Variants in NRG1 observed in about 807,000 individuals in gnomAD.
NRG1 encodes neuregulin 1.
A neutral mutation model predicts 63.8 loss-of-function variants in NRG1; 18 were observed. The ratio of observed to expected loss-of-function variants is 0.28; its 90% CI spans 0.19 to 0.42. The LOEUF is 0.42. Among genes scored for constraint, NRG1 ranks in the 10% least tolerant of loss-of-function variants. The pLI is 1.00. For missense variants in NRG1, 762 were observed against 814.7 expected (o/e 0.94, Z 0.79); for synonymous variants, 302 against 301.3 (o/e 1.00, Z -0.02).
At chr8:32,316,100 T>G (rs1289978604) in intron 1 of NRG1, among the ~76,000 whole-genome samples, 1 of 152,194 alleles carries the variant, frequency 6.6e-6, no homozygotes, top group Non-Finnish European at 1.5e-5. Flanking sequence ...AAAACTGTGT[T>G]TGTCTTGACT....
Position 32,491,582 on chromosome 8 carries a change from G to C in NRG1, c.38-104246G>C, listed in dbSNP as rs374775780. ...CCCTATGTTATTGGATACGTACCAG[G>C]TACTAGAGATTCTCTCCCTGGGTAG... On this transcript the variant is annotated intron_variant, in intron 1 of 10. Transcript: ENST00000519301. Among the ~76,000 whole-genome samples the C allele has an allele frequency of 4.7e-4, 72 of 152,256 alleles. No individual in the cohort carries two copies. In the East Asian group the frequency reaches 0.012, roughly 26 times the overall value.
At chr8:31,930,270 G>A (rs1314297714) in intron 1 of NRG1, among the ~76,000 whole-genome samples, 1 of 152,208 alleles carries the variant, frequency 6.6e-6, no homozygotes, top group Admixed American at 6.5e-5. Context: ...CTTTTAAAAT[G>A]TATTATCTAT....
chr8:31,678,949 T>C (rs1254728416), intron 1 of NRG1, among the ~76,000 whole-genome samples: 1 of 151,928 alleles, frequency 6.6e-6, no homozygotes, highest in Non-Finnish European at 1.5e-5. Flanking sequence ...TGGTAGGTTT[T>C]TAAGCTTTAT....
chr8:31,800,270 A>T (rs1455823706), intron 1 of NRG1, among the ~76,000 whole-genome samples: 1 of 152,224 alleles, frequency 6.6e-6, no homozygotes, highest in Non-Finnish European at 1.5e-5. Flanking sequence ...ATTAAAGGAT[A>T]GAGCAGGTGG....
At chr8:32,047,908 C>A (rs983514415) in intron 1 of NRG1, among the ~76,000 whole-genome samples, 7 of 151,860 alleles carry the variant, frequency 4.6e-5, no homozygotes, top group Admixed American at 6.6e-5. Context: ...CCGACATCTT[C>A]CTAACACCTC....
At chr8:31,868,144 TCTTACACACA>T (rs1381944004) in intron 1 of NRG1, among the ~76,000 whole-genome samples, 12,000 of 110,994 alleles carry the variant, frequency 0.11, 709 homozygotes, top group Middle Eastern at 0.14. Context: ...CACACATACA[TCTTACACACA>T]CACACACACA....
chr8:32,648,211 C>A (rs1388026722), intron 5 of NRG1: 2 of 1,613,962 alleles, frequency 1.2e-6, no homozygotes, highest in Non-Finnish European at 1.7e-6. Flanking sequence ...GCTGTTGTCT[C>A]CTTTGAACCA....
intron 5 of NRG1, among the ~76,000 whole-genome samples, chr8:32,660,256 A>G (rs1160830654): frequency 2.0e-5 from 3 of 152,198 alleles, no homozygotes; most frequent in Non-Finnish European, 2.9e-5. Flanking sequence ...CAAACATTCC[A>G]AAATCCAAAA....
At chr8:31,956,051 AAAC>A (rs1563614391) in intron 1 of NRG1, among the ~76,000 whole-genome samples, 1 of 148,934 alleles carries the variant, frequency 6.7e-6, no homozygotes, top group African/African-American at 2.6e-5. Flanking sequence ...AAAAAAAAAA[AAAC>A]AAAAAAACAA....
At chr8:32,506,486 A>T (rs751758502) in intron 1 of NRG1, among the ~76,000 whole-genome samples, 2 of 152,202 alleles carry the variant, frequency 1.3e-5, no homozygotes, top group Non-Finnish European at 2.9e-5. Flanking sequence ...TTTCCTCCTT[A>T]TGACAAACAA....
intron 1 of NRG1, among the ~76,000 whole-genome samples, chr8:32,576,462 C>T (rs1839654161): frequency 6.6e-6 from 1 of 152,084 alleles, no homozygotes; most frequent in South Asian, 2.1e-4. Flanking sequence ...TCATTTGTCT[C>T]TTTCTACAAG....
chr8:32,363,664 G>T (rs1390875464), intron 1 of NRG1, among the ~76,000 whole-genome samples: 1 of 151,772 alleles, frequency 6.6e-6, no homozygotes, highest in African/African-American at 2.4e-5. Flanking sequence ...ATCTCTCTTG[G>T]TACCTCTCTC....
downstream of NRG1, among the ~76,000 whole-genome samples, chr8:32,771,578 G>T (rs1231992652): frequency 6.7e-6 from 1 of 150,014 alleles, no homozygotes; most frequent in East Asian, 1.9e-4. Context: ...ACTCTGTAGA[G>T]TTTTAATAAT....
intron 1 of NRG1, among the ~76,000 whole-genome samples, chr8:32,498,923 G>A (rs932374282): frequency 6.6e-6 from 1 of 152,178 alleles, no homozygotes; most frequent in African/African-American, 2.4e-5. Flanking sequence ...TTATGCCAAA[G>A]TAGCATATTT....
intron 1 of NRG1, among the ~76,000 whole-genome samples, chr8:32,381,798 CA>C (rs1328200827): frequency 5.9e-5 from 9 of 152,040 alleles, no homozygotes; most frequent in South Asian, 2.1e-4. Flanking sequence ...TTGAACTATA[CA>C]AAATATAAAC....
intron 1 of NRG1, among the ~76,000 whole-genome samples, chr8:32,398,409 A>C (rs1420609239): frequency 1.1e-5 from 1 of 91,048 alleles, no homozygotes; most frequent in South Asian, 5.0e-4. Context: ...TTTCCACCCA[A>C]ATTTTTTTTT....
At chr8:32,240,782 A>G (rs1848021379) in intron 1 of NRG1, among the ~76,000 whole-genome samples, 1 of 151,948 alleles carries the variant, frequency 6.6e-6, no homozygotes, top group Admixed American at 6.6e-5. Flanking sequence ...AATTATTTCA[A>G]GATAAAAAAA....
intron 5 of NRG1, among the ~76,000 whole-genome samples, chr8:32,623,653 G>A (rs186107627): frequency 2.0e-5 from 3 of 152,358 alleles, no homozygotes; most frequent in Admixed American, 2.0e-4. Context: ...CTTGGTGCAA[G>A]AGTTGGGGCT....
chr8:31,688,718 G>A (rs143099679), intron 1 of NRG1, among the ~76,000 whole-genome samples: 17 of 151,744 alleles, frequency 1.1e-4, no homozygotes, highest in African/African-American at 4.1e-4. Flanking sequence ...TTTACCTTCT[G>A]AAGACTGGGT....
Sources: gnomAD v4.1 joint callset for allele counts (sites outside exome capture counted in the v4.1 genomes callset) on GRCh38, gnomAD v4.1.1 for gene constraint, MANE v1.5 for transcripts, NCBI Gene and HGNC (gene_info 2026-07-23, HGNC 2026-07-21) for gene names.